PDGFD: variants seen among roughly 807,000 people sequenced by gnomAD.
The protein encoded by PDGFD is platelet derived growth factor D, also known as platelet-derived growth factor D.
In PDGFD, 30 loss-of-function variants were observed where a neutral mutation model predicts 44.7. The ratio of observed to expected loss-of-function variants is 0.67; its 90% CI spans 0.50 to 0.91. PDGFD has a LOEUF of 0.91. PDGFD is among the 40% of genes least tolerant of loss of function. The pLI, the probability that PDGFD is intolerant of heterozygous loss-of-function variation, is 0.00. For missense variants in PDGFD, 445 were observed against 457.8 expected (o/e 0.97, Z 0.25); for synonymous variants, 173 against 168.4 (o/e 1.03, Z -0.21).
intron 1 of PDGFD, among the ~76,000 whole-genome samples, chr11:104,106,852 G>T (rs1353359744): frequency 6.7e-6 from 1 of 150,308 alleles, no homozygotes; most frequent in East Asian, 2.0e-4. Flanking sequence ...CAAGCAATTT[G>T]CCCACCTTAG....
chr11:104,102,210 T>A (rs1332859932), intron 1 of PDGFD, among the ~76,000 whole-genome samples: 2 of 152,046 alleles, frequency 1.3e-5, no homozygotes, highest in African/African-American at 4.8e-5. Flanking sequence ...GAATCTACAA[T>A]GAACTCAAAC....
intron 1 of PDGFD, among the ~76,000 whole-genome samples, chr11:104,069,896 T>C (rs1860849217): frequency 6.6e-6 from 1 of 152,160 alleles, no homozygotes. Context: ...AATTCCATCA[T>C]TCCGTCTACA....
intron 6 of PDGFD, among the ~76,000 whole-genome samples, chr11:103,915,518 A>G (rs1437608561): frequency 6.6e-6 from 1 of 152,216 alleles, no homozygotes; most frequent in Non-Finnish European, 1.5e-5. Flanking sequence ...CATACTGCCC[A>G]AAGTAAATTA....
At chr11:104,081,487 T>C (rs771545470) in intron 1 of PDGFD, among the ~76,000 whole-genome samples, 16 of 152,196 alleles carry the variant, frequency 1.1e-4, no homozygotes, top group Non-Finnish European at 1.9e-4. Flanking sequence ...TATTTTTCTT[T>C]CACCAAGAAA....
chr11:104,136,025 G>C (rs1861998684), intron 1 of PDGFD, among the ~76,000 whole-genome samples: 1 of 152,132 alleles, frequency 6.6e-6, no homozygotes. Context: ...AGAAAGGAGG[G>C]ACCTCCAGGG....
intron 3 of PDGFD, among the ~76,000 whole-genome samples, chr11:103,980,431 T>G (rs1486784519): frequency 1.3e-5 from 2 of 152,084 alleles, no homozygotes; most frequent in Non-Finnish European, 2.9e-5. Flanking sequence ...TTTTCATGAG[T>G]AATTCAAAAG....
intron 1 of PDGFD, among the ~76,000 whole-genome samples, chr11:104,159,045 C>T (rs1862351238): frequency 6.9e-6 from 1 of 144,896 alleles, no homozygotes; most frequent in Non-Finnish European, 1.5e-5. Flanking sequence ...CCCAGCTACT[C>T]GGGAGGCTGA....
At chr11:103,957,698 A>C (rs895557790) in intron 3 of PDGFD, among the ~76,000 whole-genome samples, 1 of 152,172 alleles carries the variant, frequency 6.6e-6, no homozygotes, top group Admixed American at 6.5e-5. Flanking sequence ...TAAAGATTAG[A>C]GCAAATCCCA....
chr11:103,933,806 C>G (rs145886425), intron 5 of PDGFD, among the ~76,000 whole-genome samples: 1 of 152,234 alleles, frequency 6.6e-6, no homozygotes, highest in African/African-American at 2.4e-5. Context: ...CCTAAAGCCA[C>G]TGGACGTAAG....
intron 6 of PDGFD, among the ~76,000 whole-genome samples, chr11:103,918,054 TG>T (rs1858154782): frequency 1.3e-5 from 2 of 152,308 alleles, no homozygotes; most frequent in South Asian, 4.1e-4. Context: ...TGATGCAGAA[TG>T]GAAGATGGAG....
At chr11:104,036,574 A>T (rs34987759) in intron 1 of PDGFD, 49,699 of 551,222 alleles carry the variant, frequency 0.09, 2,541 homozygotes, top group Middle Eastern at 0.13. Context: ...TCCAAACAGC[A>T]CACTTAGAAA....
At chr11:103,922,617 A>C (rs897013533) in intron 6 of PDGFD, among the ~76,000 whole-genome samples, 1 of 152,022 alleles carries the variant, frequency 6.6e-6, no homozygotes, top group Non-Finnish European at 1.5e-5. Context: ...TTGCATGATC[A>C]TGTTCTGCTG....
intron 3 of PDGFD, among the ~76,000 whole-genome samples, chr11:103,956,067 AT>A (rs34481866): frequency 0.48 from 68,581 of 143,716 alleles, 16,064 homozygotes; most frequent in South Asian, 0.56. Context: ...TAGTTTGGGA[AT>A]TTTTTTTTTT....
chr11:103,971,908 C>T (rs1859108732), intron 3 of PDGFD, among the ~76,000 whole-genome samples: 1 of 152,114 alleles, frequency 6.6e-6, no homozygotes, highest in African/African-American at 2.4e-5. Context: ...CATAAAGCAT[C>T]CTTACAGTGA....
intron 1 of PDGFD, among the ~76,000 whole-genome samples, chr11:104,134,378 G>T (rs1343555425): frequency 6.6e-6 from 1 of 151,974 alleles, no homozygotes; most frequent in Non-Finnish European, 1.5e-5. Flanking sequence ...ACTATTAAAG[G>T]AAATTATTGT....
rs113898824 is a variant in PDGFD, at chr11:103,950,447, C to T, written c.511-2723G>A. Among the ~76,000 whole-genome samples the T allele has an allele frequency of 8.6e-3, 1,306 of 151,182 alleles. 20 individuals carry two copies. Among genetic ancestry groups the T allele is most frequent in the African/African-American group, 0.03 (1,248 of 41,200 alleles). On this transcript the variant is annotated intron_variant, in intron 3 of 6. Coordinates refer to ENST00000393158, the MANE Select transcript of PDGFD (RefSeq NM_025208.5). ...GGTGTGGTGGCATGTACCTGTAATCCCAGTTACTCAGGAGGCTGAGGCAGG... is the reference window on the plus strand; with the variant it reads ...GGTGTGGTGGCATGTACCTGTAATCTCAGTTACTCAGGAGGCTGAGGCAGG...
intron 1 of PDGFD, among the ~76,000 whole-genome samples, chr11:104,126,778 T>C (rs962149073): frequency 2.6e-5 from 4 of 152,048 alleles, no homozygotes; most frequent in African/African-American, 9.7e-5. Context: ...CCCCTTTCTT[T>C]CCTATATAGC....
At chr11:104,023,208 A>C (rs758991001) in intron 1 of PDGFD, among the ~76,000 whole-genome samples, 64 of 152,146 alleles carry the variant, frequency 4.2e-4, no homozygotes, top group Admixed American at 2.7e-3. Context: ...ATATCTAATA[A>C]ATAACAGCTG....
chr11:103,934,482 G>C (rs2134316083), intron 5 of PDGFD, among the ~76,000 whole-genome samples: 1 of 152,300 alleles, frequency 6.6e-6, no homozygotes, highest in South Asian at 2.1e-4. Context: ...TCCTTTGCAA[G>C]TGTATTAGTC....
Sources: gnomAD v4.1 joint callset for allele counts (sites outside exome capture counted in the v4.1 genomes callset) on GRCh38, gnomAD v4.1.1 for gene constraint, MANE v1.5 for transcripts, NCBI Gene and HGNC (gene_info 2026-07-23, HGNC 2026-07-21) for gene names.